The following MGAT4C variants were observed in gnomAD, a reference collection of about 807,000 sequenced individuals.
MGAT4C encodes the protein alpha-1,3-mannosyl-glycoprotein 4-beta-N-acetylglucosaminyltransferase C.
A neutral mutation model predicts 40.1 loss-of-function variants in MGAT4C; 19 were observed. The ratio of observed to expected loss-of-function variants is 0.47; its 90% confidence interval spans 0.33 to 0.70. The LOEUF (loss-of-function observed/expected upper bound fraction) is 0.70, where lower values mean the gene tolerates loss of function less well. Among genes scored for constraint, MGAT4C ranks in the 30% least tolerant of loss-of-function variants. The pLI, the probability that MGAT4C is intolerant of heterozygous loss-of-function variation, is 0.02. For synonymous variants in MGAT4C, 181 were observed against 187.1 expected (o/e 0.97, Z 0.27); for missense variants, 491 against 563.2 (o/e 0.87, Z 1.30).
At chr12:86,826,451 C>A (rs1370017758) in intron 1 of MGAT4C, among the ~76,000 whole-genome samples, 1 of 151,334 alleles carries the variant, frequency 6.6e-6, no homozygotes, top group Non-Finnish European at 1.5e-5. Context: ...TAATTTAAAT[C>A]ATTATTAAAG....
intron 2 of MGAT4C, among the ~76,000 whole-genome samples, chr12:86,469,300 G>C (rs1270436504): frequency 1.3e-5 from 2 of 152,078 alleles, no homozygotes. Flanking sequence ...CTAGAGAATT[G>C]CTTTTAATGA....
In MGAT4C at chr12:86,469,897, G is replaced by A. The variant is rs551467173; in HGVS notation, c.-228-34632C>T. Reference sequence around the variant, plus strand: ...CCAAATCCTCCTATAGAAACTGTGGGAACTAAGAGTGTTTTTGTTTAGTTT... The same window carrying A: ...CCAAATCCTCCTATAGAAACTGTGGAAACTAAGAGTGTTTTTGTTTAGTTT... On this transcript the variant is annotated intron_variant, in intron 2 of 7. Coordinates refer to the MGAT4C transcript ENST00000548651. Among the ~76,000 whole-genome samples, 7 of 152,176 alleles carry A rather than the reference G, an allele frequency of 4.6e-5. No individual in the cohort carries two copies. In the East Asian group the frequency reaches 5.8e-4, roughly 13 times the overall value.
At chr12:86,419,543 C>A (rs1956782926) in intron 3 of MGAT4C, among the ~76,000 whole-genome samples, 1 of 151,810 alleles carries the variant, frequency 6.6e-6, no homozygotes, top group African/African-American at 2.4e-5. Flanking sequence ...AATTAAGAGG[C>A]CTATTCTGAA....
chr12:86,757,043 C>A (rs1486376303), intron 1 of MGAT4C, among the ~76,000 whole-genome samples: 1 of 151,966 alleles, frequency 6.6e-6, no homozygotes, highest in African/African-American at 2.4e-5. Context: ...CCATAAAAAA[C>A]TGATGAGTTC....
At chr12:86,783,667 T>C (rs1387319295) in intron 1 of MGAT4C, among the ~76,000 whole-genome samples, 1 of 152,190 alleles carries the variant, frequency 6.6e-6, no homozygotes, top group East Asian at 1.9e-4. Context: ...TTTTGTATTT[T>C]GGAGGACCAA....
At chr12:86,030,413 G>C (rs908934175) in intron 2 of MGAT4C, among the ~76,000 whole-genome samples, 4 of 151,704 alleles carry the variant, frequency 2.6e-5, no homozygotes, top group Admixed American at 1.3e-4. Context: ...ATGTTAGTGA[G>C]TATGACTACA....
chr12:86,394,111 C>T (rs1164766962), intron 3 of MGAT4C, among the ~76,000 whole-genome samples: 2 of 152,062 alleles, frequency 1.3e-5, no homozygotes, highest in Non-Finnish European at 2.9e-5. Context: ...GACAATGAGG[C>T]CACTAGCATA....
At chr12:86,224,911 T>G (rs1368705797) in intron 1 of MGAT4C, among the ~76,000 whole-genome samples, 1 of 151,812 alleles carries the variant, frequency 6.6e-6, no homozygotes, top group Non-Finnish European at 1.5e-5. Context: ...AGCTCAAAAC[T>G]AGCAGAAGGA....
chr12:86,152,646 C>T (rs1350165319), intron 1 of MGAT4C, among the ~76,000 whole-genome samples: 2 of 152,174 alleles, frequency 1.3e-5, no homozygotes, highest in East Asian at 1.9e-4. Context: ...CTACTCTATT[C>T]ATAGAGAAAT....
intron 3 of MGAT4C, among the ~76,000 whole-genome samples, chr12:86,414,483 AT>A (rs1435318455): frequency 6.6e-6 from 1 of 152,170 alleles, no homozygotes; most frequent in Non-Finnish European, 1.5e-5. Flanking sequence ...TGCAGGGCAC[AT>A]ATTGGTTACT....
intron 2 of MGAT4C, among the ~76,000 whole-genome samples, chr12:86,461,055 A>G (rs1364834607): frequency 6.6e-6 from 1 of 151,914 alleles, no homozygotes; most frequent in Non-Finnish European, 1.5e-5. Flanking sequence ...TGGCCTTTTC[A>G]TGTTATAACT....
In MGAT4C at chr12:86,481,879, A is replaced by G. The variant is rs1300599630; in HGVS notation, c.-228-46614T>C. Among the ~76,000 whole-genome samples the G allele has an allele frequency of 2.6e-5, 4 of 152,016 alleles. No individual in the cohort carries two copies. The East Asian group carries it at 7.7e-4, about 29-fold the overall frequency. On this transcript the variant is annotated intron_variant, in intron 2 of 7. Transcript: ENST00000548651. Reference sequence around the variant, plus strand: ...CAATTCTCCCATCTCAGCAATTCCAAACTGCTGGAATTATAGGCATGAGCC... The same window carrying G: ...CAATTCTCCCATCTCAGCAATTCCAGACTGCTGGAATTATAGGCATGAGCC...
At chr12:86,635,725 G>A (rs1445914209) in intron 2 of MGAT4C, among the ~76,000 whole-genome samples, 2 of 151,660 alleles carry the variant, frequency 1.3e-5, no homozygotes, top group Non-Finnish European at 2.9e-5. Flanking sequence ...CCAGGCTGGA[G>A]TTCCACGGTG....
At chr12:86,472,554 C>CTA (rs1047803608) in intron 2 of MGAT4C, among the ~76,000 whole-genome samples, 111 of 152,118 alleles carry the variant, frequency 7.3e-4, no homozygotes, top group African/African-American at 2.5e-3. Context: ...TTTCATCCAT[C>CTA]TATATATATT....
At position 86,109,524 on chromosome 12, in the gene MGAT4C, T is replaced by C. The variant is rs115463329; in HGVS notation, c.-56-59801A>G. ...TTAATGTTTTGAATATCTAATTATATAGATTAGCTTTGTAAATGATGTTAT... is the reference window on the plus strand; with the variant it reads ...TTAATGTTTTGAATATCTAATTATACAGATTAGCTTTGTAAATGATGTTAT... On this transcript the variant is annotated intron_variant, in intron 1 of 4. Coordinates refer to ENST00000611864, the MANE Select transcript of MGAT4C (RefSeq NM_001351288.2). Among the ~76,000 whole-genome samples the C allele has an allele frequency of 5.3e-3, 810 of 152,172 alleles. 7 individuals are homozygous for C. The highest frequency in any genetic ancestry group is 0.019 in the African/African-American group (772 of 41,552).
At chr12:86,176,807 A>G (rs889237585) in intron 1 of MGAT4C, among the ~76,000 whole-genome samples, 3 of 147,910 alleles carry the variant, frequency 2.0e-5, no homozygotes, top group African/African-American at 7.5e-5. Flanking sequence ...AGGCCAAATT[A>G]TATTTGCTGT....
At chr12:86,818,409 T>C (rs1038779986) in intron 1 of MGAT4C, among the ~76,000 whole-genome samples, 2 of 151,244 alleles carry the variant, frequency 1.3e-5, no homozygotes, top group Non-Finnish European at 1.5e-5. Flanking sequence ...ATTAGTGAAC[T>C]ACTCAATAAT....
At chr12:86,335,112 G>C (rs1025671932) in intron 3 of MGAT4C, among the ~76,000 whole-genome samples, 1 of 151,808 alleles carries the variant, frequency 6.6e-6, no homozygotes, top group Admixed American at 6.6e-5. Context: ...GAATATTTTT[G>C]AATTTTCTAG....
At chr12:86,310,919 G>A (rs965706407) in intron 4 of MGAT4C, among the ~76,000 whole-genome samples, 2 of 152,128 alleles carry the variant, frequency 1.3e-5, no homozygotes, top group African/African-American at 4.8e-5. Flanking sequence ...ATGAGACTTC[G>A]TCTCAAAAAA....
Sources: gnomAD v4.1 joint callset for allele counts (sites outside exome capture counted in the v4.1 genomes callset) on GRCh38, gnomAD v4.1.1 for gene constraint, MANE v1.5 for transcripts, NCBI Gene and HGNC (gene_info 2026-07-23, HGNC 2026-07-21) for gene names.